CTC1: variants seen among roughly 807,000 people sequenced by gnomAD.
The protein encoded by CTC1 is CST complex subunit CTC1.
A neutral mutation model predicts 136.3 loss-of-function variants in CTC1; 91 were observed. The ratio of observed to expected loss-of-function variants is 0.67; its 90% confidence interval spans 0.56 to 0.79. The LOEUF (loss-of-function observed/expected upper bound fraction) is 0.79. CTC1 is among the 30% of genes least tolerant of loss of function. The pLI, the probability that CTC1 is intolerant of heterozygous loss-of-function variation, is 0.00. For synonymous variants in CTC1, 606 were observed against 613.8 expected (o/e 0.99, Z 0.19); for missense variants, 1,432 against 1,498.1 (o/e 0.96, Z 0.73).
rs1987208620 is a variant in CTC1 at position 8,231,375 on chromosome 17, T to C, written c.2570A>G (p.Asn857Ser). The C allele has an allele frequency of 1.2e-6, 2 of 1,613,092 alleles. No individual in the cohort carries two copies. The highest frequency in any genetic ancestry group is 8.5e-7 in the Non-Finnish European group (1 of 1,179,166). ...GCASCLTVQDNWTLELESSQD... is the reference protein window; with the variant it reads ...GCASCLTVQDSWTLELESSQD... ...GGAGCTTTCAAGCTCCAGAGTCCAG[T>C]TGTCCTGGACAGTGAGGCAGGATGC... The change falls in exon 15 of 23, where the codon AAC (asparagine) becomes AGC (serine). Residue 857 changes from asparagine (N) to serine (S), a missense_variant. Transcript: ENST00000651323.
At position 8,228,201 on chromosome 17, in the gene CTC1, C is replaced by T. The variant is rs1396794845; in HGVS notation, c.3633G>A (p.Gly1211=). 1.2e-5 allele frequency: 20 copies of T among 1,613,994 alleles called. No homozygotes were observed. The highest frequency in any genetic ancestry group is 1.7e-5 in the Non-Finnish European group (20 of 1,179,950). The change falls in exon 23 of 23, where the codon GGG becomes GGA. Residue 1211 remains glycine (G), a synonymous_variant. Coordinates refer to ENST00000651323, the MANE Select transcript of CTC1 (RefSeq NM_025099.6). ...IRESEYSSSL[G]ILASSC ...TCAGTTAACAGGAGGAAGCAAGGAT[C>T]CCCAGAGAGCTGGAGTACTCTGACT...
Position 8,232,048 on chromosome 17 carries a change from C to T in CTC1, c.2240G>A (p.Cys747Tyr), listed in dbSNP as rs1437771008. ...CTCTGGACTTGCTCCTGGGGGGACACAAAAATTACGCTTCATGAGGGCCTC... is the reference window on the plus strand; with the variant it reads ...CTCTGGACTTGCTCCTGGGGGGACATAAAAATTACGCTTCATGAGGGCCTC... ...HKEALMKRNF[C>Y]VPPGASPEVP... Residue 747 changes from cysteine (C) to tyrosine (Y), a missense_variant, in exon 13 of 23, where the codon TGT becomes TAT. Physicochemically the swap from Cys to Tyr is radical, Grantham distance 194. Coordinates refer to ENST00000651323, the MANE Select transcript of CTC1 (RefSeq NM_025099.6). 2 of 1,573,252 alleles carry T rather than the reference C, an allele frequency of 1.3e-6. No individual in the cohort carries two copies. Among genetic ancestry groups the T allele is most frequent in the South Asian group, 2.4e-5 (2 of 84,158 alleles).
chr17:8,243,281 A>T, intron 1 of CTC1, 133 bp from the exon 2 acceptor site: 1 of 728,020 alleles, frequency 1.4e-6, no homozygotes, highest in South Asian at 1.9e-5. Flanking sequence ...ACACTTTGGG[A>T]GGCTGAGGCA....
In CTC1 at chr17:8,230,352, G is replaced by T; in HGVS notation, c.2875C>A (p.Leu959Ile). The change falls in exon 17 of 23, where the codon CTA (leucine) becomes ATA (isoleucine). Residue 959 changes from leucine (L) to isoleucine (I), a missense_variant. Transcript: ENST00000651323. ...YIEDPHLPPS[L>I]GLLPGARVHF... ...ACCCGGGCTCCTGGAAGTAGTCCTA[G>T]TGAGGGAGGCAAGTGTGGGTCTTCT... is the stretch of plus-strand genomic sequence containing the variant. 1 of 1,614,128 alleles carries T rather than the reference G, an allele frequency of 6.2e-7. No homozygotes were observed. The highest frequency in any genetic ancestry group is 8.5e-7 in the Non-Finnish European group (1 of 1,180,010).
chr17:8,242,547 AAAAAAAATATATATAT>A (rs1349878868), intron 2 of CTC1, among the ~76,000 whole-genome samples: 5 of 96,838 alleles, frequency 5.2e-5, no homozygotes, highest in Admixed American at 2.7e-4. Flanking sequence ...AAAAAAAAAA[AAAAAAAATATATATAT>A]ATATATATAT....
chr17:8,243,923 C>T (rs1235756675), intron 1 of CTC1, among the ~76,000 whole-genome samples: 1 of 152,078 alleles, frequency 6.6e-6, no homozygotes, highest in East Asian at 1.9e-4. Context: ...ATACAAAAAG[C>T]CAGGCGTGGT....
rs199473683 is a variant in CTC1, at chr17:8,228,227, CTCGGATAGAAAGGCAGGACAA to C, written c.3586_3606del (p.Leu1196_Arg1202del). On this transcript the variant is annotated inframe_deletion, in exon 23 of 23. Transcript: ENST00000651323. ...CCCAGAGAGCTGGAGTACTCTGACT[CTCGGATAGAAAGGCAGGACAA>C]TCGGAGCCTGGGGTTCACGTGAGTC... 6.2e-7 allele frequency: 1 copy of C among 1,614,070 alleles called. No homozygotes were observed. Among genetic ancestry groups the C allele is most frequent in the Non-Finnish European group, 8.5e-7 (1 of 1,179,990 alleles).
chr17:8,234,985 C>G lies in CTC1; in HGVS notation c.1440-59G>C, dbSNP rs140488889. 407 of 1,601,292 alleles carry G rather than the reference C, an allele frequency of 2.5e-4. 2 individuals are homozygous for G. In the African/African-American group the frequency reaches 5.0e-3, roughly 20 times the overall value. ...TGAAGAGCCTGCCTCTTCAAGAATC[C>G]TGCTCTCCTTGCCAAGGAAGTGTGC... is the stretch of plus-strand genomic sequence containing the variant. On this transcript the variant is annotated intron_variant, in intron 8 of 22. Transcript: ENST00000651323.
Position 8,230,612 on chromosome 17 carries a change from C to CA in CTC1, c.2708dup (p.Leu903PhefsTer7). On this transcript the variant is annotated frameshift_variant, in exon 16 of 23. Transcript: ENST00000651323. LOFTEE classifies it high-confidence loss of function. ...CAAGGGGTTCACATAGTGTCCGTGA[C>CA]AAAATCTCAGCGGAGAAAGACACCA... 1.9e-6 allele frequency: 3 copies of CA among 1,614,126 alleles called. No individual in the cohort carries two copies. Among genetic ancestry groups the CA allele is most frequent in the Non-Finnish European group, 2.5e-6 (3 of 1,180,024 alleles).
At chr17:8,242,287 C>A (rs1361043092) in intron 2 of CTC1, among the ~76,000 whole-genome samples, 1 of 151,936 alleles carries the variant, frequency 6.6e-6, no homozygotes, top group Non-Finnish European at 1.5e-5. Flanking sequence ...CCTGCCTTAG[C>A]CTCCCAAAGT....
At chr17:8,239,184 G>A (rs183889718) in intron 2 of CTC1, among the ~76,000 whole-genome samples, 1 of 152,240 alleles carries the variant, frequency 6.6e-6, no homozygotes, top group Non-Finnish European at 1.5e-5. Context: ...TGGTGCCAGG[G>A]AGAGGACCCA....
chr17:8,245,523 G>A (rs957128562), intron 1 of CTC1, among the ~76,000 whole-genome samples: 2 of 152,002 alleles, frequency 1.3e-5, no homozygotes, highest in Non-Finnish European at 2.9e-5. Flanking sequence ...CTGTTTCTCG[G>A]ATGGCCTATC....
chr17:8,238,816 G>A (rs1010655407), intron 2 of CTC1, among the ~76,000 whole-genome samples, 187 bp from the exon 3 acceptor site: 11 of 152,042 alleles, frequency 7.2e-5, no homozygotes, highest in Non-Finnish European at 1.2e-4. Context: ...ATGGGGCCGG[G>A]CGAGTGGCTC....
At chr17:8,233,393 G>T in intron 10 of CTC1, 1 of 189,704 alleles carries the variant, frequency 5.3e-6, no homozygotes, top group Admixed American at 5.7e-5. Flanking sequence ...GGGAGGCCAA[G>T]GCAGAAGGAT....
At chr17:8,230,757 C>T (rs1987149413) in intron 15 of CTC1, 106 bp from the exon 16 acceptor site, 1 of 926,074 alleles carries the variant, frequency 1.1e-6, no homozygotes, top group Non-Finnish European at 1.7e-6. Flanking sequence ...GCTAGAACTT[C>T]ATATATAAAG....
intron 3 of CTC1, 49 bp downstream of exon 3, chr17:8,238,343 C>T (rs978677865): frequency 1.9e-6 from 3 of 1,576,388 alleles, no homozygotes; most frequent in Non-Finnish European, 2.6e-6. Context: ...GATCCTTGGA[C>T]ACCATTCTTG....
chr17:8,240,548 A>G (rs1988129373), intron 2 of CTC1, among the ~76,000 whole-genome samples: 1 of 151,928 alleles, frequency 6.6e-6, no homozygotes, highest in Admixed American at 6.6e-5. Context: ...GATAAAAAGG[A>G]AAAAAAACAA....
intron 1 of CTC1, among the ~76,000 whole-genome samples, chr17:8,244,296 A>C (rs766065975): frequency 2.2e-4 from 33 of 152,150 alleles, no homozygotes; most frequent in Non-Finnish European, 4.0e-4. Flanking sequence ...TGAGGAGGAT[A>C]TGGACTATCT....
chr17:8,248,004 G>C lies in CTC1; in HGVS notation c.33C>G (p.Ser11=), dbSNP rs757066174. 6.2e-7 allele frequency: 1 copy of C among 1,610,776 alleles called. No individual in the cohort carries two copies. The highest frequency in any genetic ancestry group is 1.7e-5 in the Admixed American group (1 of 59,768). ...CAAGAGACGTAATAGCAGCACTCACGGAGGAAGGGACCTGGGCCCGGCCAG... is the reference window on the plus strand; with the variant it reads ...CAAGAGACGTAATAGCAGCACTCACCGAGGAAGGGACCTGGGCCCGGCCAG... MAAGRAQVPS[S]EQAWLEDAQV... The change falls in exon 1 of 23, where the codon TCC becomes TCG. Residue 11 remains serine, a splice_region_variant and synonymous_variant. Transcript: ENST00000651323.
Sources: gnomAD v4.1 joint callset for allele counts (sites outside exome capture counted in the v4.1 genomes callset) on GRCh38, gnomAD v4.1.1 for gene constraint, MANE v1.5 for transcripts, NCBI Gene and HGNC (gene_info 2026-07-23, HGNC 2026-07-21) for gene names.